Variants in CTSB observed in about 807,000 individuals in gnomAD.
CTSB encodes the protein APP secretase.
Under a neutral mutation model 44.3 loss-of-function variants are expected in CTSB, and 57 were observed. The ratio of observed to expected loss-of-function variants is 1.29; its 90% CI spans 1.04 to 1.60. The LOEUF is 1.60. Ranked by LOEUF, CTSB falls within the 40% of genes most tolerant of loss-of-function variation. The probability of loss-of-function intolerance (pLI) is 0.00; values close to 1 mark genes in which losing one functional copy is unlikely to be tolerated. For synonymous variants in CTSB, 320 were observed against 168.0 expected (o/e 1.91, Z -7.00); for missense variants, 768 against 443.0 (o/e 1.73, Z -6.59).
At position 11,853,837 on chromosome 8, in the gene CTSB, G is replaced by C. The variant is rs1430150462; in HGVS notation, c.-25-358C>G. 4.5e-5 allele frequency: 8 copies of C among 176,890 alleles called. No homozygotes were observed. In the South Asian group the frequency reaches 9.6e-4, roughly 21 times the overall value. 11.0% of individuals were successfully genotyped at this position (176,890 alleles called of 1,614,324 possible). On this transcript the variant is annotated intron_variant, in intron 1 of 9. Transcript: ENST00000353047. ...AGTGATATGAAACAGTTAAGAGCCT[G>C]TCTGTGTGATTACACCCTAAGTGGA...
chr8:11,855,992 C>A (rs530801869), intron 1 of CTSB, among the ~76,000 whole-genome samples: 1 of 152,160 alleles, frequency 6.6e-6, no homozygotes, highest in East Asian at 1.9e-4. Flanking sequence ...TTCACCACTG[C>A]ATTCCTGCCT....
chr8:11,858,722 T>C (rs1815924393), intron 1 of CTSB, among the ~76,000 whole-genome samples: 3 of 152,138 alleles, frequency 2.0e-5, no homozygotes, highest in African/African-American at 7.2e-5. Flanking sequence ...AGTGGCAATC[T>C]CACTCCATTG....
At chr8:11,847,918 C>T in intron 6 of CTSB, 96 bp from the exon 7 acceptor site, 1 of 1,440,192 alleles carries the variant, frequency 6.9e-7, no homozygotes, top group African/African-American at 1.4e-5. Context: ...GGACGCCAGG[C>T]AGGTCCTGCC....
At position 11,847,746 on chromosome 8, in the gene CTSB, A is replaced by G; in HGVS notation, c.609T>C (p.Asp203=). The G allele has an allele frequency of 1.2e-6, 2 of 1,601,606 alleles. No individual in the cohort carries two copies. Among genetic ancestry groups the G allele is most frequent in the Non-Finnish European group, 1.7e-6 (2 of 1,175,836 alleles). The change falls in exon 7 of 10, where the codon GAT becomes GAC. Residue 203 remains aspartate (D), a synonymous_variant. Coordinates refer to ENST00000353047, the MANE Select transcript of CTSB (RefSeq NM_001908.5). ...CACAGATCTTGCTACACTTGGGGGT[A>G]TCTCCCTCCCCCGTGCATGGGGGCC... The part of the protein sequence containing the change: ...GSRPPCTGEG[D]TPKCSKICEP...
At chr8:11,847,319 C>G (rs913012606) in intron 7 of CTSB, 151 bp from the exon 8 acceptor site, 3 of 653,250 alleles carry the variant, frequency 4.6e-6, no homozygotes, top group South Asian at 1.8e-5. Context: ...GGAAGGCTCC[C>G]CTGAAGAACT....
At chr8:11,848,550 G>C (rs1305493446) in intron 5 of CTSB, 1 of 352,986 alleles carries the variant, frequency 2.8e-6, no homozygotes, top group Non-Finnish European at 5.5e-6. Context: ...ACTAGTTAGG[G>C]GAGAAGCCCA....
Position 11,844,173 on chromosome 8 carries a change from C to G in CTSB, c.*952G>C, listed in dbSNP as rs1812788537. ...AGGGATGCCATGGTTGAAAACATGG[C>G]TGGGGCAGCGAGAAGTTAAGATGAA... is the stretch of plus-strand genomic sequence containing the variant. On this transcript the variant is annotated 3_prime_UTR_variant, in exon 10 of 10. Transcript: ENST00000353047. The G allele has an allele frequency of 6.6e-6, 1 of 152,206 alleles. No homozygotes were observed. Among genetic ancestry groups the G allele is most frequent in the African/African-American group, 2.4e-5 (1 of 41,434 alleles). 9.4% of individuals were successfully genotyped at this position (152,206 alleles called of 1,614,324 possible).
chr8:11,845,614 G>GT, intron 9 of CTSB, 47 bp downstream of exon 9: 1 of 1,595,586 alleles, frequency 6.3e-7, no homozygotes, highest in East Asian at 2.2e-5. Context: ...GCCACGGGGT[G>GT]TGGCTCACAA....
intron 1 of CTSB, among the ~76,000 whole-genome samples, chr8:11,857,312 C>G (rs1205716722): frequency 6.6e-6 from 1 of 152,144 alleles, no homozygotes; most frequent in East Asian, 1.9e-4. Context: ...GCCACTGGAC[C>G]TGGCCCCTAG....
rs1294997888 is a variant in CTSB, at chr8:11,843,267, T to A, written c.*1858A>T. The A allele has an allele frequency of 6.6e-6, 1 of 152,146 alleles. No homozygotes were observed. The highest frequency in any genetic ancestry group is 1.9e-4 in the East Asian group (1 of 5,190). 9.4% of individuals were successfully genotyped at this position (152,146 alleles called of 1,614,324 possible). On this transcript the variant is annotated 3_prime_UTR_variant, in exon 10 of 10. Coordinates refer to ENST00000353047, the MANE Select transcript of CTSB (RefSeq NM_001908.5). ...CGGCTGTTATGCTCATCATGGCACTTAAGAGATGCTTAACAAACCTTTCCT... is the reference window on the plus strand; with the variant it reads ...CGGCTGTTATGCTCATCATGGCACTAAAGAGATGCTTAACAAACCTTTCCT...
At chr8:11,849,279 A>G in intron 4 of CTSB, 115 bp from the exon 5 acceptor site, 1 of 682,976 alleles carries the variant, frequency 1.5e-6, no homozygotes, top group African/African-American at 1.8e-5. Flanking sequence ...TGATCTCTCA[A>G]CACCAGGGGA....
Position 11,844,006 on chromosome 8 carries a change from C to A in CTSB, c.*1119G>T, listed in dbSNP as rs769563659. On this transcript the variant is annotated 3_prime_UTR_variant, in exon 10 of 10. Transcript: ENST00000353047. ...TGAGAAGGCGCCACTGCACTCCAGCCTGGGAGACGGAATCTCACTCTGTCA... is the reference window on the plus strand; with the variant it reads ...TGAGAAGGCGCCACTGCACTCCAGCATGGGAGACGGAATCTCACTCTGTCA... 19 of 151,482 alleles carry A rather than the reference C, an allele frequency of 1.3e-4. No homozygotes were observed. Among genetic ancestry groups the A allele is most frequent in the Non-Finnish European group, 2.1e-4 (14 of 68,046 alleles). 9.4% of individuals were successfully genotyped at this position (151,482 alleles called of 1,614,324 possible). A position where few individuals can be genotyped will look rare whatever the true frequency, so the allele number is the denominator to read the frequency against.
At position 11,847,618 on chromosome 8, in the gene CTSB, G is replaced by A. The variant is rs1262893800; in HGVS notation, c.676+61C>T. On this transcript the variant is annotated intron_variant, in intron 7 of 9. Coordinates refer to ENST00000353047, the MANE Select transcript of CTSB (RefSeq NM_001908.5). Reference sequence around the variant, plus strand: ...CCCTGACCTCTTCGCTGCAGCGTGAGGAGGGATGCAGCAGCTCCCCAGCCT... The same window carrying A: ...CCCTGACCTCTTCGCTGCAGCGTGAAGAGGGATGCAGCAGCTCCCCAGCCT... 50 of 1,487,508 alleles carry A rather than the reference G, an allele frequency of 3.4e-5. No homozygotes were observed. The South Asian group carries it at 4.2e-4, about 13-fold the overall frequency. The allele number at this position is 1,487,508 out of a possible 1,614,324, so 92.1% of individuals were successfully genotyped here. A position where few individuals can be genotyped will look rare whatever the true frequency, so the allele number is the denominator to read the frequency against.
chr8:11,853,989 C>T (rs1369350000), intron 1 of CTSB, among the ~76,000 whole-genome samples: 1 of 152,154 alleles, frequency 6.6e-6, no homozygotes, highest in Admixed American at 6.5e-5. Flanking sequence ...CTGGGCTGGC[C>T]ATCCACCCAC....
chr8:11,852,520 GC>G lies in CTSB; in HGVS notation c.212+89del. 1.1e-5 allele frequency: 11 copies of G among 969,712 alleles called. No homozygotes were observed. In the East Asian group the frequency reaches 2.8e-4, roughly 25 times the overall value. The allele number at this position is 969,712 out of a possible 1,614,324, so 60.1% of individuals were successfully genotyped here. A position where few individuals can be genotyped will look rare whatever the true frequency, so the allele number is the denominator to read the frequency against. On this transcript the variant is annotated intron_variant, in intron 3 of 9. Transcript: ENST00000353047. Reference sequence around the variant, plus strand: ...CCTGGGCAGCATGAGCCCTGCGGACGCCAGAGAGGCCTTCACTCTCCCACTT... The same window carrying G: ...CCTGGGCAGCATGAGCCCTGCGGACGCAGAGAGGCCTTCACTCTCCCACTT...
chr8:11,852,456 A>G (rs1411665458), intron 3 of CTSB, among the ~76,000 whole-genome samples, 154 bp downstream of exon 3: 2 of 152,176 alleles, frequency 1.3e-5, no homozygotes, highest in African/African-American at 4.8e-5. Context: ...TATAAAAATG[A>G]AAAGAAACAA....
chr8:11,848,019 G>A (rs1192107909), intron 6 of CTSB, 48 bp downstream of exon 6: 2 of 1,482,386 alleles, frequency 1.3e-6, no homozygotes, highest in African/African-American at 1.4e-5. Context: ...ATGGTTAATT[G>A]CTCAAACAAT....
At position 11,845,181 on chromosome 8, in the gene CTSB, C is replaced by G; in HGVS notation, c.964G>C (p.Glu322Gln). The G allele has an allele frequency of 1.9e-6, 3 of 1,614,004 alleles. No individual in the cohort carries two copies. The highest frequency in any genetic ancestry group is 1.1e-5 in the South Asian group (1 of 91,076). The change falls in exon 10 of 10, where the codon GAA (glutamate) becomes CAA (glutamine). Residue 322 changes from glutamate to glutamine, a missense_variant. Transcript: ENST00000353047. Reference sequence around the variant, plus strand: ...GGAATTCCAGCCACCACTTCTGATTCGATTCCACAGTGATCCTGTCCTCTG... The same window carrying G: ...GGAATTCCAGCCACCACTTCTGATTGGATTCCACAGTGATCCTGTCCTCTG... ...ILRGQDHCGI[E>Q]SEVVAGIPRT... is the part of the protein sequence containing the mutation.
At position 11,844,997 on chromosome 8, in the gene CTSB, G is replaced by T. The variant is rs1049629947; in HGVS notation, c.*128C>A. 17 of 672,672 alleles carry T rather than the reference G, an allele frequency of 2.5e-5. No homozygotes were observed. The South Asian group carries it at 2.8e-4, about 11-fold the overall frequency. 41.7% of individuals were successfully genotyped at this position (672,672 alleles called of 1,614,324 possible). ...AGGACTTGGTCTCCTTGGAAGACAG[G>T]TCTGATGTTTGGCCAATCCAGTCCT... On this transcript the variant is annotated 3_prime_UTR_variant, in exon 10 of 10. Transcript: ENST00000353047.
Sources: allele counts gnomAD v4.1 joint callset (sites outside exome capture counted in the v4.1 genomes callset), GRCh38; gene constraint gnomAD v4.1.1; transcripts MANE v1.5; gene names NCBI Gene and HGNC (gene_info 2026-07-23, HGNC 2026-07-21).